The following ARHGEF26 variants were observed in gnomAD, a reference collection of about 807,000 sequenced individuals.
The protein encoded by ARHGEF26 is Rho guanine nucleotide exchange factor (GEF) 26.
In ARHGEF26, 59 loss-of-function variants were observed where a neutral mutation model predicts 89.4. That is an observed-to-expected ratio of 0.66 (90% CI 0.54 to 0.82). The LOEUF is 0.82. ARHGEF26 is among the 40% of genes least tolerant of loss of function. ARHGEF26 has a pLI of 0.00. For missense variants in ARHGEF26, 1,234 were observed against 1,085.6 expected, an observed-to-expected ratio of 1.14 and a Z score of -1.92; for synonymous variants, 500 against 428.4, an observed-to-expected ratio of 1.17 and a Z score of -2.06.
intron 11 of ARHGEF26, among the ~76,000 whole-genome samples, chr3:154,237,879 G>A (rs1717217844): frequency 6.6e-6 from 1 of 152,144 alleles, no homozygotes; most frequent in African/African-American, 2.4e-5. Flanking sequence ...TGACTAACAG[G>A]TTTTTTAACT....
In ARHGEF26 at chr3:154,122,584, C is replaced by T. The variant is rs891205383; in HGVS notation, c.592C>T (p.Pro198Ser). 2 of 1,613,462 alleles carry T rather than the reference C, an allele frequency of 1.2e-6. No homozygotes were observed. The highest frequency in any genetic ancestry group is 1.3e-5 in the African/African-American group (1 of 74,914). ...GCAGTCCGGCCGGAAGGCAAAGGAC[C>T]CCGAACGGGGGCTCTTTCCTGGGCC... is the stretch of plus-strand genomic sequence containing the variant. The part of the protein sequence containing the change: ...GSQSGRKAKD[P>S]ERGLFPGPQK... Residue 198 changes from proline (P) to serine (S), a missense_variant, in exon 2 of 15, where the codon CCC (proline) becomes TCC (serine). Transcript: ENST00000465093.
At chr3:154,174,968 A>G (rs1269064848) in intron 6 of ARHGEF26, among the ~76,000 whole-genome samples, 1 of 152,168 alleles carries the variant, frequency 6.6e-6, no homozygotes, top group Non-Finnish European at 1.5e-5. Flanking sequence ...TTTATGTTCA[A>G]TCTCTAACTG....
intron 12 of ARHGEF26, among the ~76,000 whole-genome samples, chr3:154,249,776 CTT>C (rs550729025): frequency 1.3e-5 from 2 of 152,172 alleles, no homozygotes; most frequent in African/African-American, 2.4e-5. Flanking sequence ...ATTGCTTACT[CTT>C]GTCACTTTGT....
intron 4 of ARHGEF26, among the ~76,000 whole-genome samples, chr3:154,137,893 G>A (rs1719113390): frequency 6.6e-6 from 1 of 151,726 alleles, no homozygotes; most frequent in Non-Finnish European, 1.5e-5. Flanking sequence ...GGTCATTTGT[G>A]CAATCCCAGT....
chr3:154,172,291 A>G (rs1049145073), intron 6 of ARHGEF26, among the ~76,000 whole-genome samples: 11 of 152,190 alleles, frequency 7.2e-5, no homozygotes, highest in African/African-American at 2.7e-4. Flanking sequence ...AATGCAGTAG[A>G]TGCTGTTGAA....
At chr3:154,186,885 A>ATTTTT (rs1468607994) in intron 6 of ARHGEF26, among the ~76,000 whole-genome samples, 4 of 69,796 alleles carry the variant, frequency 5.7e-5, no homozygotes, top group Non-Finnish European at 5.9e-5. Context: ...TTTATTTCAG[A>ATTTTT]CTTTTTTTTT....
chr3:154,248,531 A>G (rs2108295680), intron 12 of ARHGEF26, among the ~76,000 whole-genome samples: 1 of 152,250 alleles, frequency 6.6e-6, no homozygotes, highest in Middle Eastern at 3.4e-3. Context: ...TCTAAATTCT[A>G]AGTCCAGTCA....
chr3:154,231,363 G>T (rs543725870), intron 11 of ARHGEF26, among the ~76,000 whole-genome samples: 2 of 152,232 alleles, frequency 1.3e-5, no homozygotes, highest in Non-Finnish European at 2.9e-5. Flanking sequence ...GCACAATATC[G>T]ATGCCTGGGG....
In ARHGEF26 at chr3:154,256,918, G is replaced by T; in HGVS notation, c.*1445G>T. On this transcript the variant is annotated 3_prime_UTR_variant, in exon 15 of 15. Coordinates refer to ENST00000465093, the MANE Select transcript of ARHGEF26 (RefSeq NM_015595.4). ...AATAGTCGGTTTCATGGAGATGAAG[G>T]ATGGGAGATTAAGAGGGGGGAAATG... The T allele has an allele frequency of 6.5e-7, 1 of 1,535,092 alleles. No individual in the cohort carries two copies. Among genetic ancestry groups the T allele is most frequent in the Non-Finnish European group, 8.7e-7 (1 of 1,146,602 alleles).
intron 10 of ARHGEF26, among the ~76,000 whole-genome samples, chr3:154,223,708 T>TA (rs1467920410): frequency 6.6e-6 from 1 of 152,166 alleles, no homozygotes; most frequent in East Asian, 1.9e-4. Flanking sequence ...GGCAGATGAC[T>TA]GCTCAATGCA....
intron 9 of ARHGEF26, among the ~76,000 whole-genome samples, chr3:154,209,018 C>T (rs1024778912): frequency 3.9e-5 from 6 of 151,998 alleles, no homozygotes; most frequent in Admixed American, 1.3e-4. Flanking sequence ...CTGCCCACCT[C>T]GGTCTCCCAA....
intron 3 of ARHGEF26, 21 bp from the exon 4 acceptor site, chr3:154,129,553 A>G (rs991928659): frequency 4.4e-6 from 7 of 1,608,234 alleles, no homozygotes; most frequent in African/African-American, 2.7e-5. Context: ...TTAGTGACAC[A>G]TAGGCCTTGT....
In ARHGEF26 at chr3:154,152,754, C is replaced by A. The variant is rs1720096192; in HGVS notation, c.1327-18C>A. ...AATTAAAAGAATTAATAATACATTTCTTTTTCCTTCTTACCAGGCTATCTT... is the reference window on the plus strand; with the variant it reads ...AATTAAAAGAATTAATAATACATTTATTTTTCCTTCTTACCAGGCTATCTT... On this transcript the variant is annotated intron_variant, in intron 5 of 14. Coordinates refer to ENST00000465093, the MANE Select transcript of ARHGEF26 (RefSeq NM_015595.4). 2 of 1,428,686 alleles carry A rather than the reference C, an allele frequency of 1.4e-6. No homozygotes were observed. The highest frequency in any genetic ancestry group is 1.8e-6 in the Non-Finnish European group (2 of 1,086,654). 88.5% of individuals were successfully genotyped at this position (1,428,686 alleles called of 1,614,324 possible).
At chr3:154,233,148 C>T (rs559291886) in intron 11 of ARHGEF26, among the ~76,000 whole-genome samples, 1 of 152,132 alleles carries the variant, frequency 6.6e-6, no homozygotes, top group Non-Finnish European at 1.5e-5. Flanking sequence ...GGGTTTCTTA[C>T]CAGACATTCC....
In ARHGEF26 at chr3:154,122,507, C is replaced by G. The variant is rs773952535; in HGVS notation, c.515C>G (p.Ser172Trp). 1 of 1,613,220 alleles carries G rather than the reference C, an allele frequency of 6.2e-7. No individual in the cohort carries two copies. Among genetic ancestry groups the G allele is most frequent in the Non-Finnish European group, 8.5e-7 (1 of 1,179,824 alleles). Residue 172 changes from serine (S) to tryptophan (W), a missense_variant, in exon 2 of 15, where the codon TCG becomes TGG. By Grantham distance (177) the Ser-to-Trp change is radical. Transcript: ENST00000465093. ...LTGLTASPVP[S>W]PTANGLAANN... ...GGGTTGACTGCCAGCCCGGTGCCTTCGCCCACTGCAAATGGCCTTGCCGCT... is the reference window on the plus strand; with the variant it reads ...GGGTTGACTGCCAGCCCGGTGCCTTGGCCCACTGCAAATGGCCTTGCCGCT...
intron 6 of ARHGEF26, among the ~76,000 whole-genome samples, chr3:154,182,147 C>G (rs904212958): frequency 5.3e-5 from 8 of 151,574 alleles, no homozygotes; most frequent in African/African-American, 1.5e-4. Context: ...CTAAACCTTG[C>G]TAAGAGAGAC....
At chr3:154,216,624 G>A (rs1316881507) in intron 9 of ARHGEF26, among the ~76,000 whole-genome samples, 4 of 132,502 alleles carry the variant, frequency 3.0e-5, no homozygotes, top group Middle Eastern at 3.8e-3. Context: ...ATGCTGGTAC[G>A]CTGCACCCAC....
chr3:154,230,205 T>A (rs964955982), intron 11 of ARHGEF26, among the ~76,000 whole-genome samples: 44 of 152,330 alleles, frequency 2.9e-4, no homozygotes, highest in African/African-American at 1.0e-3. Flanking sequence ...AGCTGCTGTA[T>A]CAAAGTGCCA....
At chr3:154,194,969 A>G (rs1714197552) in intron 9 of ARHGEF26, among the ~76,000 whole-genome samples, 1 of 152,204 alleles carries the variant, frequency 6.6e-6, no homozygotes, top group Non-Finnish European at 1.5e-5. Context: ...ATAGCTGTTT[A>G]TTCATTTCTC....
Sources: gnomAD v4.1 joint callset for allele counts (sites outside exome capture counted in the v4.1 genomes callset) on GRCh38, gnomAD v4.1.1 for gene constraint, MANE v1.5 for transcripts, NCBI Gene and HGNC (gene_info 2026-07-23, HGNC 2026-07-21) for gene names.